Variants in PLCL1 observed in about 807,000 individuals in gnomAD.
The protein encoded by PLCL1 is phospholipase C like 1 (inactive).
PLCL1 carries 41 observed loss-of-function variants against 84.4 expected under a neutral mutation model. The ratio of observed to expected loss-of-function variants is 0.49; its 90% CI spans 0.38 to 0.63. The LOEUF is 0.63. PLCL1 is among the 30% of genes least tolerant of loss of function. The probability of loss-of-function intolerance (pLI) is 0.00; values close to 1 mark genes in which losing one functional copy is unlikely to be tolerated. For synonymous variants in PLCL1, 490 were observed against 488.3 expected, an observed-to-expected ratio of 1.00 and a Z score of -0.05; for missense variants, 1,206 against 1,367.8, an observed-to-expected ratio of 0.88 and a Z score of 1.87.
chr2:198,042,425 G>A (rs1339949326), intron 1 of PLCL1, among the ~76,000 whole-genome samples: 2 of 152,192 alleles, frequency 1.3e-5, no homozygotes, highest in East Asian at 1.9e-4. Flanking sequence ...GAACCGGAAG[G>A]TGATGAGAAT....
At chr2:197,938,107 C>G (rs1689084771) in intron 1 of PLCL1, among the ~76,000 whole-genome samples, 1 of 152,180 alleles carries the variant, frequency 6.6e-6, no homozygotes, top group Admixed American at 6.6e-5. Flanking sequence ...TCTTAATCTT[C>G]CCCTAGAATT....
At chr2:197,928,047 T>A (rs2105762796) in intron 1 of PLCL1, among the ~76,000 whole-genome samples, 1 of 152,300 alleles carries the variant, frequency 6.6e-6, no homozygotes. Flanking sequence ...TTTTTTTGAC[T>A]GGTATATTGC....
rs116197367 is a variant in PLCL1 at position 197,945,766 on chromosome 2, A to C, written c.241-137992A>C. ...AAAGCTCTTATACTTTGTGAAGCATAATAAGTGCTAGATAAACAGTAGTTA... is the reference window on the plus strand; with the variant it reads ...AAAGCTCTTATACTTTGTGAAGCATCATAAGTGCTAGATAAACAGTAGTTA... On this transcript the variant is annotated intron_variant, in intron 1 of 5. Coordinates refer to ENST00000428675, the MANE Select transcript of PLCL1 (RefSeq NM_006226.4). Among the ~76,000 whole-genome samples the C allele has an allele frequency of 4.8e-3, 732 of 152,304 alleles. 5 individuals carry two copies. The highest frequency in any genetic ancestry group is 0.016 in the African/African-American group (681 of 41,586).
At chr2:198,023,760 A>G (rs1691195468) in intron 1 of PLCL1, among the ~76,000 whole-genome samples, 1 of 152,216 alleles carries the variant, frequency 6.6e-6, no homozygotes, top group Non-Finnish European at 1.5e-5. Context: ...GATGCAGGAG[A>G]GGCTGTGGAG....
chr2:198,065,605 T>C (rs1680417048), intron 1 of PLCL1, among the ~76,000 whole-genome samples: 1 of 152,216 alleles, frequency 6.6e-6, no homozygotes, highest in Non-Finnish European at 1.5e-5. Context: ...ATTAAGTGCC[T>C]GTGAATGTTT....
intron 1 of PLCL1, among the ~76,000 whole-genome samples, chr2:197,823,882 C>A (rs935353751): frequency 1.1e-4 from 16 of 152,102 alleles, no homozygotes; most frequent in African/African-American, 3.4e-4. Context: ...TCTCTCTGTT[C>A]TTTCTTGACA....
chr2:197,899,861 T>G (rs1013597167), intron 1 of PLCL1, among the ~76,000 whole-genome samples: 1 of 151,954 alleles, frequency 6.6e-6, no homozygotes, highest in African/African-American at 2.4e-5. Flanking sequence ...GGTCTCGATC[T>G]CCTGACCTCG....
intron 1 of PLCL1, among the ~76,000 whole-genome samples, chr2:197,899,326 C>A (rs561020240): frequency 6.6e-6 from 1 of 151,806 alleles, no homozygotes; most frequent in African/African-American, 2.4e-5. Flanking sequence ...TACTATCACA[C>A]AAAGTCATTT....
At chr2:198,133,095 C>G (rs1425810443) in intron 5 of PLCL1, among the ~76,000 whole-genome samples, 5 of 151,972 alleles carry the variant, frequency 3.3e-5, no homozygotes, top group African/African-American at 9.7e-5. Flanking sequence ...AATCCTTTCC[C>G]CATTGCTTGT....
At chr2:197,900,572 G>T (rs1688244821) in intron 1 of PLCL1, among the ~76,000 whole-genome samples, 1 of 152,186 alleles carries the variant, frequency 6.6e-6, no homozygotes, top group African/African-American at 2.4e-5. Flanking sequence ...TGGACCTCGG[G>T]ATCATTGTCT....
chr2:197,808,370 A>C (rs1274454078), intron 1 of PLCL1, among the ~76,000 whole-genome samples: 1 of 152,200 alleles, frequency 6.6e-6, no homozygotes, highest in East Asian at 1.9e-4. Flanking sequence ...TATATTTCTA[A>C]TTAAGAAATA....
chr2:198,046,174 GC>G (rs1344844423), intron 1 of PLCL1, among the ~76,000 whole-genome samples: 1 of 152,172 alleles, frequency 6.6e-6, no homozygotes, highest in Non-Finnish European at 1.5e-5. Context: ...CTGCTTTCAT[GC>G]TACAGTGGCA....
intron 1 of PLCL1, among the ~76,000 whole-genome samples, chr2:198,025,796 A>G (rs542959285): frequency 6.6e-6 from 1 of 152,308 alleles, no homozygotes; most frequent in East Asian, 1.9e-4. Context: ...AACCCAGATC[A>G]AAGAGTGTTT....
At chr2:198,064,388 T>TA (rs1179360501) in intron 1 of PLCL1, among the ~76,000 whole-genome samples, 6 of 152,276 alleles carry the variant, frequency 3.9e-5, no homozygotes, top group East Asian at 1.9e-4. Flanking sequence ...GTTTGCAACT[T>TA]AAAAAAATCT....
chr2:197,926,227 G>C (rs745412141), intron 1 of PLCL1, among the ~76,000 whole-genome samples: 1 of 152,138 alleles, frequency 6.6e-6, no homozygotes, highest in African/African-American at 2.4e-5. Context: ...TGTGGGAGAG[G>C]TCAGAGTTAC....
At chr2:198,030,383 C>T (rs182719035) in intron 1 of PLCL1, among the ~76,000 whole-genome samples, 142 of 152,248 alleles carry the variant, frequency 9.3e-4, no homozygotes, top group African/African-American at 3.4e-3. Flanking sequence ...TGTCACCTCA[C>T]ACTGTCACCC....
intron 1 of PLCL1, among the ~76,000 whole-genome samples, chr2:197,935,808 G>A (rs1607373): frequency 0.48 from 73,451 of 151,972 alleles, 18,163 homozygotes; most frequent in Middle Eastern, 0.58. Flanking sequence ...TATACCATAT[G>A]TTATTACAGA....
intron 1 of PLCL1, among the ~76,000 whole-genome samples, chr2:197,877,341 A>G (rs190638703): frequency 6.6e-6 from 1 of 152,228 alleles, no homozygotes; most frequent in East Asian, 1.9e-4. Flanking sequence ...CATTAGTGAT[A>G]AAGGAAGCAA....
chr2:197,930,038 T>C (rs1688903777), intron 1 of PLCL1, among the ~76,000 whole-genome samples: 1 of 152,130 alleles, frequency 6.6e-6, no homozygotes, highest in East Asian at 1.9e-4. Context: ...CATGGAAGAG[T>C]GTGCATTAAT....
Sources: gnomAD v4.1 joint callset for allele counts (sites outside exome capture counted in the v4.1 genomes callset) on GRCh38, gnomAD v4.1.1 for gene constraint, MANE v1.5 for transcripts, NCBI Gene and HGNC (gene_info 2026-07-23, HGNC 2026-07-21) for gene names.